PRR16: variants seen among roughly 807,000 people sequenced by gnomAD.
PRR16 encodes the protein proline rich 16.
A neutral mutation model predicts 18.2 loss-of-function variants in PRR16; 6 were observed. The ratio of observed to expected loss-of-function variants is 0.33; its 90% CI spans 0.18 to 0.65. PRR16 has a LOEUF of 0.65. Among genes scored for constraint, PRR16 ranks in the 30% least tolerant of loss-of-function variants. The pLI is 0.74. For synonymous variants in PRR16, 151 were observed against 147.8 expected (o/e 1.02, Z -0.16); for missense variants, 412 against 376.6 (o/e 1.09, Z -0.78).
intron 1 of PRR16, among the ~76,000 whole-genome samples, chr5:120,627,811 C>A (rs1158580640): frequency 6.6e-6 from 1 of 152,078 alleles, no homozygotes; most frequent in Non-Finnish European, 1.5e-5. Flanking sequence ...AGCCTTAGAT[C>A]TCAGTCCATT....
intron 1 of PRR16, among the ~76,000 whole-genome samples, chr5:120,519,388 C>G (rs1216200972): frequency 6.6e-6 from 1 of 152,040 alleles, no homozygotes; most frequent in Non-Finnish European, 1.5e-5. Context: ...AGAATGCTAG[C>G]TTCTTAGACG....
At chr5:120,567,039 G>C (rs769592373) in intron 1 of PRR16, among the ~76,000 whole-genome samples, 1 of 151,912 alleles carries the variant, frequency 6.6e-6, no homozygotes, top group African/African-American at 2.4e-5. Context: ...TCAGCAGTTT[G>C]TCTTGGGCCC....
chr5:120,480,703 A>C (rs73262120), intron 1 of PRR16, among the ~76,000 whole-genome samples: 2,025 of 152,322 alleles, frequency 0.013, 16 homozygotes, highest in Middle Eastern at 0.11. Context: ...AACTGAACAG[A>C]GTTGCAGAGA....
intron 1 of PRR16, among the ~76,000 whole-genome samples, chr5:120,595,230 C>T (rs188679738): frequency 4.8e-4 from 73 of 151,618 alleles, no homozygotes; most frequent in South Asian, 3.1e-3. Flanking sequence ...AGAAACTTAA[C>T]GAAATTTGCA....
chr5:120,733,611 A>G, the PRR16 span, among the ~76,000 whole-genome samples: 1 of 152,154 alleles, frequency 6.6e-6, no homozygotes, highest in Non-Finnish European at 1.5e-5. Context: ...ATAATCATGA[A>G]CGGCATTAAA....
intron 1 of PRR16, among the ~76,000 whole-genome samples, chr5:120,587,736 T>C (rs908195927): frequency 9.9e-5 from 15 of 152,210 alleles, no homozygotes; most frequent in Admixed American, 9.2e-4. Context: ...CATAAATTAA[T>C]GTTGTTTTCA....
chr5:120,634,400 T>C (rs750000415), intron 1 of PRR16, among the ~76,000 whole-genome samples: 21 of 152,146 alleles, frequency 1.4e-4, no homozygotes, highest in Non-Finnish European at 1.5e-4. Flanking sequence ...TCCCAGCACT[T>C]TGGGAGGCCA....
intron 1 of PRR16, among the ~76,000 whole-genome samples, chr5:120,621,805 T>G (rs1440444876): frequency 1.3e-5 from 2 of 152,146 alleles, no homozygotes; most frequent in Non-Finnish European, 2.9e-5. Context: ...TCCTCAGGCC[T>G]CCCCAGCCAT....
the PRR16 span, among the ~76,000 whole-genome samples, chr5:120,765,513 T>C: frequency 0.089 from 13,502 of 151,990 alleles, 822 homozygotes; most frequent in African/African-American, 0.17. Context: ...TAAAAGAACA[T>C]TTTTTCCTGA....
At chr5:120,585,180 T>C (rs1471712269) in intron 1 of PRR16, among the ~76,000 whole-genome samples, 1 of 152,210 alleles carries the variant, frequency 6.6e-6, no homozygotes, top group Non-Finnish European at 1.5e-5. Context: ...GAAAATGTGT[T>C]TCTTTATTGA....
chr5:120,707,890 G>A, the PRR16 span, among the ~76,000 whole-genome samples: 3 of 152,294 alleles, frequency 2.0e-5, no homozygotes, highest in East Asian at 3.9e-4. Context: ...TGTCAGCTGG[G>A]AAAACATCCT....
intron 1 of PRR16, among the ~76,000 whole-genome samples, chr5:120,507,964 C>A (rs1210763643): frequency 1.3e-5 from 2 of 152,056 alleles, no homozygotes; most frequent in East Asian, 3.9e-4. Flanking sequence ...CCTCCTTCTT[C>A]CTTAACATCA....
intron 1 of PRR16, among the ~76,000 whole-genome samples, chr5:120,566,124 T>G (rs1752729400): frequency 6.6e-6 from 1 of 152,196 alleles, no homozygotes; most frequent in African/African-American, 2.4e-5. Context: ...ATGAATAGAT[T>G]AATGCTGTTA....
intron 1 of PRR16, among the ~76,000 whole-genome samples, chr5:120,574,613 C>T (rs994073593): frequency 7.3e-6 from 1 of 136,854 alleles, no homozygotes. Flanking sequence ...AAAACAAAAA[C>T]AACAACGACG....
the PRR16 span, among the ~76,000 whole-genome samples, chr5:120,701,550 G>A: frequency 5.3e-5 from 8 of 152,176 alleles, no homozygotes; most frequent in East Asian, 1.9e-4. Context: ...ACTGAAAGCC[G>A]GACCAGGTGT....
At chr5:120,535,737 T>A (rs1383410124) in intron 1 of PRR16, among the ~76,000 whole-genome samples, 1 of 151,702 alleles carries the variant, frequency 6.6e-6, no homozygotes, top group Non-Finnish European at 1.5e-5. Flanking sequence ...GAGGCGGAGG[T>A]TGCAGTGAGC....
At chr5:120,481,212 A>G (rs1369563892) in intron 1 of PRR16, 3 of 709,680 alleles carry the variant, frequency 4.2e-6, no homozygotes, top group Admixed American at 2.4e-5. Context: ...CAATGGCACA[A>G]TCTGGGCTCA....
chr5:120,465,368 A>T lies in PRR16; in HGVS notation c.159+723A>T, dbSNP rs76918332. ...GTCGCCACTTGGCATTGAACCCGAG[A>T]AGCAGGACGCGCAGGAGAGTGTATG... is the stretch of plus-strand genomic sequence containing the variant. On this transcript the variant is annotated intron_variant, in intron 1 of 1. Transcript: ENST00000407149. Among the ~76,000 whole-genome samples the T allele has an allele frequency of 8.9e-3, 1,353 of 152,248 alleles. 11 individuals carry two copies. Among genetic ancestry groups the T allele is most frequent in the Non-Finnish European group, 0.015 (1,023 of 68,024 alleles).
intron 1 of PRR16, among the ~76,000 whole-genome samples, chr5:120,592,523 G>T (rs570934350): frequency 7.4e-4 from 113 of 152,244 alleles, no homozygotes; most frequent in African/African-American, 2.6e-3. Context: ...AATTTAAGAA[G>T]ATAGGCTTTC....
Sources: allele counts gnomAD v4.1 joint callset (sites outside exome capture counted in the v4.1 genomes callset), GRCh38; gene constraint gnomAD v4.1.1; transcripts MANE v1.5; gene names NCBI Gene and HGNC (gene_info 2026-07-23, HGNC 2026-07-21).